Variants in GTF2F2 observed in about 807,000 individuals in gnomAD.
The protein encoded by GTF2F2 is general transcription factor IIF subunit 2, also known as ATP-dependent helicase GTF2F2.
Under a neutral mutation model 42.2 loss-of-function variants are expected in GTF2F2, and 23 were observed. That is an observed-to-expected ratio of 0.55 (90% confidence interval 0.39 to 0.77). The LOEUF is 0.77. Ranked by LOEUF, GTF2F2 falls within the 30% of genes least tolerant of loss-of-function variation. The pLI is 0.00. For missense variants in GTF2F2, 261 were observed against 287.2 expected (o/e 0.91, Z 0.66); for synonymous variants, 105 against 100.8 (o/e 1.04, Z -0.25).
At chr13:45,131,897 CA>C (rs765260379) in intron 1 of GTF2F2, among the ~76,000 whole-genome samples, 3,289 of 53,164 alleles carry the variant, frequency 0.062, 47 homozygotes, top group African/African-American at 0.12. Flanking sequence ...GACCCTGTCT[CA>C]AAAAAAAAAA....
At chr13:45,241,392 C>T (rs1311277083) in intron 5 of GTF2F2, among the ~76,000 whole-genome samples, 1 of 151,976 alleles carries the variant, frequency 6.6e-6, no homozygotes, top group Non-Finnish European at 1.5e-5. Context: ...CCCCTGTAGA[C>T]ATTTGAGTTT....
chr13:45,171,987 A>G (rs538378629), intron 4 of GTF2F2, among the ~76,000 whole-genome samples: 25 of 151,178 alleles, frequency 1.7e-4, no homozygotes, highest in African/African-American at 6.1e-4. Context: ...TTCATGGTTT[A>G]TCCATTCATC....
intron 1 of GTF2F2, among the ~76,000 whole-genome samples, chr13:45,132,378 T>C (rs1167156434): frequency 6.6e-6 from 1 of 152,110 alleles, no homozygotes; most frequent in Non-Finnish European, 1.5e-5. Context: ...TCCAGGGTTG[T>C]TGGACTTAAG....
chr13:45,281,805 A>G (rs1877272987), intron 7 of GTF2F2, among the ~76,000 whole-genome samples: 1 of 152,212 alleles, frequency 6.6e-6, no homozygotes, highest in Non-Finnish European at 1.5e-5. Flanking sequence ...CATCAATGGG[A>G]TGAGTCATCA....
At chr13:45,128,785 G>A (rs1242567689) in intron 1 of GTF2F2, among the ~76,000 whole-genome samples, 1 of 151,822 alleles carries the variant, frequency 6.6e-6, no homozygotes, top group Non-Finnish European at 1.5e-5. Context: ...GTAGAGATGG[G>A]GTCCCCGTAT....
intron 4 of GTF2F2, among the ~76,000 whole-genome samples, chr13:45,158,305 G>T (rs985527832): frequency 1.3e-5 from 2 of 152,176 alleles, no homozygotes; most frequent in East Asian, 3.9e-4. Context: ...ATTCTGTCTT[G>T]TCTGCCACCA....
intron 6 of GTF2F2, among the ~76,000 whole-genome samples, chr13:45,260,923 C>G (rs150123797): frequency 6.6e-6 from 1 of 151,978 alleles, no homozygotes; most frequent in Non-Finnish European, 1.5e-5. Context: ...TCCTGGAGTT[C>G]GAGACCAGCC....
At chr13:45,149,684 T>C (rs1566114687) in intron 2 of GTF2F2, 86 bp from the exon 3 acceptor site, 4 of 1,275,698 alleles carry the variant, frequency 3.1e-6, no homozygotes, top group African/African-American at 3.3e-5. Flanking sequence ...TATGTAAATA[T>C]GAAGTTTTTT....
chr13:45,137,104 T>C (rs1869669407), intron 2 of GTF2F2, among the ~76,000 whole-genome samples: 1 of 152,216 alleles, frequency 6.6e-6, no homozygotes, highest in Non-Finnish European at 1.5e-5. Context: ...CCCTCCATCC[T>C]GTCTGCCTCC....
At chr13:45,225,270 C>T (rs774048303) in intron 5 of GTF2F2, among the ~76,000 whole-genome samples, 7 of 152,158 alleles carry the variant, frequency 4.6e-5, no homozygotes, top group Non-Finnish European at 7.3e-5. Context: ...ATGTCATATT[C>T]GACCTGATTG....
At chr13:45,278,480 C>T (rs1257711826) in intron 7 of GTF2F2, among the ~76,000 whole-genome samples, 1 of 152,176 alleles carries the variant, frequency 6.6e-6, no homozygotes, top group Non-Finnish European at 1.5e-5. Flanking sequence ...TGTGCTGCAG[C>T]TTGGCACATA....
chr13:45,183,433 G>T (rs1284819016), intron 4 of GTF2F2, among the ~76,000 whole-genome samples: 1 of 152,118 alleles, frequency 6.6e-6, no homozygotes. Flanking sequence ...AGTTACTACT[G>T]TCATATCTAC....
chr13:45,127,317 C>CT, intron 1 of GTF2F2, among the ~76,000 whole-genome samples: 1 of 139,406 alleles, frequency 7.2e-6, no homozygotes, highest in Non-Finnish European at 1.5e-5. Flanking sequence ...GGAGCACAAT[C>CT]TGCTTTTTTT....
intron 7 of GTF2F2, among the ~76,000 whole-genome samples, chr13:45,271,579 G>GTCTT (rs1876796328): frequency 6.6e-6 from 1 of 151,578 alleles, no homozygotes; most frequent in South Asian, 2.1e-4. Flanking sequence ...TTGAGACAGA[G>GTCTT]TCTTGCTCTG....
intron 6 of GTF2F2, among the ~76,000 whole-genome samples, chr13:45,264,879 T>C (rs1876499381): frequency 6.6e-6 from 1 of 152,204 alleles, no homozygotes; most frequent in South Asian, 2.1e-4. Context: ...TTAAACTTCC[T>C]AGCTTCTCCA....
At chr13:45,230,157 A>C (rs1378014398) in intron 5 of GTF2F2, among the ~76,000 whole-genome samples, 1 of 152,130 alleles carries the variant, frequency 6.6e-6, no homozygotes, top group Non-Finnish European at 1.5e-5. Context: ...CGGAGGTTAC[A>C]GTGAGCCAAG....
At chr13:45,222,502 A>T (rs911520646) in intron 5 of GTF2F2, among the ~76,000 whole-genome samples, 4 of 152,224 alleles carry the variant, frequency 2.6e-5, no homozygotes, top group African/African-American at 9.6e-5. Context: ...TCTTTAGTAT[A>T]ACATATCATG....
intron 4 of GTF2F2, among the ~76,000 whole-genome samples, chr13:45,184,788 G>C (rs977311057): frequency 6.6e-6 from 1 of 151,996 alleles, no homozygotes; most frequent in South Asian, 2.1e-4. Context: ...TGCCAAATTT[G>C]TATATATTTT....
At chr13:45,203,031 TGAATATAG>T (rs1397460440) in intron 4 of GTF2F2, among the ~76,000 whole-genome samples, 2 of 152,174 alleles carry the variant, frequency 1.3e-5, no homozygotes, top group Non-Finnish European at 2.9e-5. Context: ...GCCTTTGCTT[TGAATATAG>T]GATACTGACT....
Sources: gnomAD v4.1 joint callset for allele counts (sites outside exome capture counted in the v4.1 genomes callset) on GRCh38, gnomAD v4.1.1 for gene constraint, MANE v1.5 for transcripts, NCBI Gene and HGNC (gene_info 2026-07-23, HGNC 2026-07-21) for gene names.